The following TMEM223 variants were observed in gnomAD, a reference collection of about 807,000 sequenced individuals.
TMEM223 encodes the protein transmembrane protein 223.
TMEM223 carries 14 observed loss-of-function variants against 14.1 expected under a neutral mutation model. The ratio of observed to expected loss-of-function variants is 0.99; its 90% confidence interval spans 0.66 to 1.55. TMEM223 has a LOEUF of 1.55. Among genes scored for constraint, TMEM223 ranks in the 40% most tolerant of loss-of-function variants. The pLI is 0.00. For synonymous variants in TMEM223, 145 were observed against 120.5 expected, an observed-to-expected ratio of 1.20 and a Z score of -1.33; for missense variants, 346 against 269.9, an observed-to-expected ratio of 1.28 and a Z score of -1.97.
intron 1 of TMEM223, chr11:62,782,402 G>A: frequency 2.0e-6 from 3 of 1,516,326 alleles, no homozygotes; most frequent in African/African-American, 1.4e-5. Flanking sequence ...AAGGAAATGG[G>A]GCGAAGCCTC....
chr11:62,781,810 G>A, intron 1 of TMEM223: 1 of 1,125,202 alleles, frequency 8.9e-7, no homozygotes, highest in Non-Finnish European at 1.4e-6. Flanking sequence ...TGAATAAGGT[G>A]ATACACTGTC....
chr11:62,782,417 T>G, intron 1 of TMEM223: 1 of 1,430,198 alleles, frequency 7.0e-7, no homozygotes, highest in East Asian at 2.3e-5. Context: ...AGCCTCTGGC[T>G]TTGAGAGTCT....
downstream of TMEM223, among the ~76,000 whole-genome samples, chr11:62,785,350 C>A (rs1214709760): frequency 6.6e-6 from 1 of 151,474 alleles, no homozygotes; most frequent in African/African-American, 2.4e-5. Flanking sequence ...CACCACCATA[C>A]CTGGCTAATT....
downstream of TMEM223, chr11:62,782,672 A>C: frequency 6.2e-7 from 1 of 1,609,678 alleles, no homozygotes; most frequent in Non-Finnish European, 8.5e-7. Flanking sequence ...TCCCCTCCCT[A>C]ACTGAATGGT....
intron 1 of TMEM223, among the ~76,000 whole-genome samples, chr11:62,774,967 A>G (rs1465577457): frequency 1.3e-5 from 2 of 149,500 alleles, no homozygotes; most frequent in African/African-American, 2.5e-5. Flanking sequence ...CAGGAGGCTG[A>G]GGCAGATAAT....
At chr11:62,786,830 C>T (rs980709028), downstream of TMEM223, 5 of 1,602,868 alleles carry the variant, frequency 3.1e-6, no homozygotes, top group Non-Finnish European at 4.2e-6. Context: ...GCTCCGCGGC[C>T]GCCCGGGGAC....
At chr11:62,783,490 A>T (rs1288930171), downstream of TMEM223, among the ~76,000 whole-genome samples, 3 of 151,950 alleles carry the variant, frequency 2.0e-5, no homozygotes, top group African/African-American at 7.2e-5. Flanking sequence ...TCAAAAAAAA[A>T]AAAAAGTTAG....
intron 1 of TMEM223, chr11:62,778,942 G>C: frequency 6.2e-7 from 1 of 1,614,124 alleles, no homozygotes; most frequent in Admixed American, 1.7e-5. Flanking sequence ...CTGTGCTAGG[G>C]GATGATCCGC....
At chr11:62,787,368 G>A, downstream of TMEM223, 1 of 1,539,068 alleles carries the variant, frequency 6.5e-7, no homozygotes, top group South Asian at 1.2e-5. Flanking sequence ...CGTGGGTCGC[G>A]CCGGATAAGG....
At chr11:62,778,362 C>A (rs768567972) in intron 1 of TMEM223, 26 of 1,613,982 alleles carry the variant, frequency 1.6e-5, no homozygotes, top group Non-Finnish European at 2.1e-5. Flanking sequence ...GAAACAGGCT[C>A]TTTGGATGAA....
At chr11:62,787,331 C>T (rs756414283), downstream of TMEM223, 3 of 1,523,336 alleles carry the variant, frequency 2.0e-6, no homozygotes, top group Admixed American at 2.0e-5. Context: ...AAATAAATCC[C>T]GCCCCCGGAA....
intron 1 of TMEM223, chr11:62,778,574 T>A: frequency 1.6e-6 from 1 of 623,486 alleles, no homozygotes; most frequent in African/African-American, 1.8e-5. Context: ...CTGGGCAGCA[T>A]GCTGGGGCGG....
chr11:62,786,322 G>A (rs747952166), downstream of TMEM223: 15 of 1,614,066 alleles, frequency 9.3e-6, no homozygotes, highest in South Asian at 1.5e-4. Flanking sequence ...AGGCTGTGCT[G>A]GATGATTATT....
intron 1 of TMEM223, among the ~76,000 whole-genome samples, chr11:62,777,814 C>T (rs879464458): frequency 4.6e-5 from 7 of 152,166 alleles, no homozygotes; most frequent in Admixed American, 4.6e-4. Flanking sequence ...CCAGGCAAGT[C>T]CCCAGTGGTG....
chr11:62,791,578 C>G, intron 1 of TMEM223, 101 bp downstream of exon 1: 2 of 1,351,550 alleles, frequency 1.5e-6, no homozygotes, highest in Admixed American at 2.8e-5. Flanking sequence ...AGCCCGCCCG[C>G]CACTCTCGGA....
rs768116893 is a variant in TMEM223, at chr11:62,789,988, G to A, written c.*635C>T. ...CCCATACCGGCCTCTGGAGAGGGGT[G>A]ACCCTGAGTGGAGCTCTGAGACAGA... On this transcript the variant is annotated 3_prime_UTR_variant, in exon 2 of 2. Transcript: ENST00000307366. The A allele has an allele frequency of 1.8e-5, 29 of 1,614,034 alleles. No homozygotes were observed. The highest frequency in any genetic ancestry group is 2.4e-5 in the Non-Finnish European group (28 of 1,180,036).
At chr11:62,777,303 G>T (rs1353983532) in intron 1 of TMEM223, among the ~76,000 whole-genome samples, 1 of 152,084 alleles carries the variant, frequency 6.6e-6, no homozygotes, top group Non-Finnish European at 1.5e-5. Context: ...TTCCAGCCTG[G>T]GCGAAAGAGC....
chr11:62,786,858 A>T, downstream of TMEM223: 1 of 1,593,342 alleles, frequency 6.3e-7, no homozygotes, highest in Non-Finnish European at 8.5e-7. Context: ...AGCCGGCGGC[A>T]GCCCCGGACT....
chr11:62,788,923 G>A (rs2084324374), downstream of TMEM223: 2 of 1,301,790 alleles, frequency 1.5e-6, no homozygotes, highest in Admixed American at 4.6e-5. Context: ...TAACTTCCTG[G>A]AATGCAGGAC....
Sources: gnomAD v4.1 joint callset for allele counts (sites outside exome capture counted in the v4.1 genomes callset) on GRCh38, gnomAD v4.1.1 for gene constraint, MANE v1.5 for transcripts, NCBI Gene and HGNC (gene_info 2026-07-23, HGNC 2026-07-21) for gene names.